The following VWA8 variants were observed in gnomAD, a reference collection of about 807,000 sequenced individuals.
VWA8 encodes von Willebrand factor A domain containing 8.
VWA8 carries 221 observed loss-of-function variants against 241.5 expected under a neutral mutation model. The observed-to-expected ratio is 0.91, with a 90% CI of 0.82 to 1.02. VWA8 has a LOEUF of 1.02. Among genes scored for constraint, VWA8 ranks in the 50% least tolerant of loss-of-function variants. The pLI, the probability that VWA8 is intolerant of heterozygous loss-of-function variation, is 0.00. For synonymous variants in VWA8, 852 were observed against 827.1 expected, an observed-to-expected ratio of 1.03 and a Z score of -0.52; for missense variants, 2,322 against 2,328.7, an observed-to-expected ratio of 1.00 and a Z score of 0.06.
At chr13:41,833,814 G>A (rs73185305) in intron 12 of VWA8, among the ~76,000 whole-genome samples, 1,871 of 151,856 alleles carry the variant, frequency 0.012, 13 homozygotes, top group East Asian at 0.021. Context: ...TAAAATGTTC[G>A]TTTACATAAT....
At chr13:41,844,448 T>A (rs1239596164) in intron 12 of VWA8, among the ~76,000 whole-genome samples, 1 of 152,112 alleles carries the variant, frequency 6.6e-6, no homozygotes, top group Admixed American at 6.5e-5. Flanking sequence ...GGATGCCCAC[T>A]CTCATAACTC....
chr13:41,899,245 AATT>A (rs1344749680), intron 4 of VWA8, among the ~76,000 whole-genome samples: 1 of 152,212 alleles, frequency 6.6e-6, no homozygotes, highest in Admixed American at 6.5e-5. Flanking sequence ...ATTCAATATA[AATT>A]ATTTATTAAT....
intron 37 of VWA8, among the ~76,000 whole-genome samples, chr13:41,617,681 G>A (rs879889462): frequency 2.0e-5 from 3 of 148,690 alleles, no homozygotes; most frequent in Admixed American, 6.8e-5. Flanking sequence ...GATGTTCCTC[G>A]CCCTGTGTCC....
intron 18 of VWA8, among the ~76,000 whole-genome samples, chr13:41,785,852 T>C (rs931279974): frequency 2.0e-5 from 3 of 152,102 alleles, no homozygotes; most frequent in South Asian, 4.1e-4. Context: ...TACTATCTAG[T>C]TGCATGTTGA....
At chr13:41,569,639 G>T (rs2044286717) in intron 44 of VWA8, among the ~76,000 whole-genome samples, 2 of 148,764 alleles carry the variant, frequency 1.3e-5, no homozygotes, top group African/African-American at 5.2e-5. Flanking sequence ...TGTGCTTTAG[G>T]CAGGGATTTT....
At chr13:41,721,818 A>G (rs1350173568) in intron 24 of VWA8, among the ~76,000 whole-genome samples, 1 of 152,142 alleles carries the variant, frequency 6.6e-6, no homozygotes, top group Non-Finnish European at 1.5e-5. Flanking sequence ...ACTTGAATAC[A>G]TGCTCACCGG....
In VWA8 at chr13:41,949,031, T is replaced by TAAAAAAA. The variant is rs35506856; in HGVS notation, c.241+898_241+904dup. On this transcript the variant is annotated intron_variant, in intron 2 of 44. Coordinates refer to ENST00000379310, the MANE Select transcript of VWA8 (RefSeq NM_015058.2). ...AACAAGCAAAACTAATCTACCATCA[T>TAAAAAAA]AAAAAAAAAAAAAAAAAAAAAAAAA... 3.9e-3 allele frequency among the ~76,000 whole-genome samples: 246 copies of TAAAAAAA among 63,434 alleles called. 2 individuals carry two copies. The highest frequency in any genetic ancestry group is 4.4e-3 in the Non-Finnish European group (154 of 34,974). 41.6% of individuals were successfully genotyped at this position (63,434 alleles called of 152,430 possible).
intron 10 of VWA8, among the ~76,000 whole-genome samples, chr13:41,867,855 G>T (rs952145117): frequency 4.6e-5 from 7 of 152,016 alleles, no homozygotes; most frequent in African/African-American, 1.7e-4. Context: ...TAAAATGTGT[G>T]TATATATACA....
chr13:41,877,874 T>C (rs557947043), intron 9 of VWA8, among the ~76,000 whole-genome samples: 4 of 152,238 alleles, frequency 2.6e-5, no homozygotes, highest in South Asian at 2.1e-4. Flanking sequence ...AAGTATTTCA[T>C]GACTACAGAA....
chr13:41,593,853 T>A (rs1385369107), intron 40 of VWA8, among the ~76,000 whole-genome samples: 1 of 152,176 alleles, frequency 6.6e-6, no homozygotes, highest in Non-Finnish European at 1.5e-5. Flanking sequence ...GCCATTAAAG[T>A]GGCATGGAAC....
At chr13:41,761,238 G>A (rs1346780926) in intron 20 of VWA8, 34 bp from the exon 21 acceptor site, 3 of 1,595,618 alleles carry the variant, frequency 1.9e-6, no homozygotes, top group Middle Eastern at 1.7e-4. Context: ...AACAAAAAGA[G>A]GCTATTTTCT....
intron 37 of VWA8, among the ~76,000 whole-genome samples, chr13:41,666,565 T>C (rs535517363): frequency 6.6e-6 from 1 of 152,282 alleles, no homozygotes; most frequent in African/African-American, 2.4e-5. Flanking sequence ...TCAAGCTGAT[T>C]GTTAACCTTT....
chr13:41,872,211 T>C (rs1479907054), intron 9 of VWA8, among the ~76,000 whole-genome samples: 2 of 152,222 alleles, frequency 1.3e-5, no homozygotes, highest in Non-Finnish European at 2.9e-5. Flanking sequence ...TATTAGCCCT[T>C]TGTCAGATGA....
At chr13:41,944,301 T>C (rs948292665) in intron 2 of VWA8, among the ~76,000 whole-genome samples, 1 of 152,058 alleles carries the variant, frequency 6.6e-6, no homozygotes, top group Non-Finnish European at 1.5e-5. Flanking sequence ...TGAGCATTTA[T>C]GTAAGAAAAG....
At chr13:41,727,049 C>T (rs1042322118) in intron 24 of VWA8, 145 bp downstream of exon 24, 1 of 696,012 alleles carries the variant, frequency 1.4e-6, no homozygotes, top group Non-Finnish European at 2.2e-6. Context: ...TTTTTCTTCA[C>T]TAAAAGGGGG....
chr13:41,674,238 G>A (rs928065549), intron 36 of VWA8, among the ~76,000 whole-genome samples: 1 of 152,228 alleles, frequency 6.6e-6, no homozygotes, highest in African/African-American at 2.4e-5. Context: ...ATCATGCCGA[G>A]CTATCTTCTT....
intron 17 of VWA8, among the ~76,000 whole-genome samples, chr13:41,791,368 T>C (rs965517937): frequency 2.0e-5 from 3 of 151,948 alleles, no homozygotes; most frequent in African/African-American, 7.2e-5. Flanking sequence ...AACTATTTGA[T>C]TCAGTGAATA....
At chr13:41,674,721 G>A (rs536881041) in intron 36 of VWA8, among the ~76,000 whole-genome samples, 1 of 152,212 alleles carries the variant, frequency 6.6e-6, no homozygotes, top group East Asian at 1.9e-4. Flanking sequence ...AATAATGAAG[G>A]AGGTGAACAG....
At chr13:41,752,752 T>C (rs2045665583) in intron 21 of VWA8, among the ~76,000 whole-genome samples, 1 of 152,174 alleles carries the variant, frequency 6.6e-6, no homozygotes, top group Non-Finnish European at 1.5e-5. Flanking sequence ...TGCCAGACAC[T>C]GTGGTTGGCC....
Sources: gnomAD v4.1 joint callset for allele counts (sites outside exome capture counted in the v4.1 genomes callset) on GRCh38, gnomAD v4.1.1 for gene constraint, MANE v1.5 for transcripts, NCBI Gene and HGNC (gene_info 2026-07-23, HGNC 2026-07-21) for gene names.